RTTN: variants seen among roughly 807,000 people sequenced by gnomAD.
The protein encoded by RTTN is rotatin.
RTTN carries 182 observed loss-of-function variants against 269.2 expected under a neutral mutation model. The ratio of observed to expected loss-of-function variants is 0.68; its 90% confidence interval spans 0.60 to 0.76. The LOEUF is 0.76. RTTN is among the 30% of genes least tolerant of loss of function. The pLI is 0.00. For synonymous variants in RTTN, 1,006 were observed against 963.5 expected, an observed-to-expected ratio of 1.04 and a Z score of -0.82; for missense variants, 2,545 against 2,608.6, an observed-to-expected ratio of 0.98 and a Z score of 0.53.
At chr18:70,058,685 A>G (rs2057890063) in intron 36 of RTTN, among the ~76,000 whole-genome samples, 1 of 152,210 alleles carries the variant, frequency 6.6e-6, no homozygotes. Context: ...ACTCGTAAGA[A>G]GCAAAGAAGA....
chr18:70,181,814 CAAGTAA>C (rs1297255482), intron 10 of RTTN, among the ~76,000 whole-genome samples: 10 of 152,038 alleles, frequency 6.6e-5, no homozygotes, highest in South Asian at 4.2e-4. Context: ...TCTTTTTAAA[CAAGTAA>C]AAGTAAATCA....
chr18:70,127,623 C>T lies in RTTN; in HGVS notation c.3262G>A (p.Val1088Ile). ...CTCATCCTGGTGACAGCAGCCCTAA[C>T]TTCCCTGTGGGTTGCAGCCTGAACA... The part of the protein sequence containing the change: ...SIVQAATHRE[V>I]RAAVTRMSFY... Residue 1088 changes from valine (V) to isoleucine (I), a missense_variant, in exon 25 of 49, where the codon GTT becomes ATT. Transcript: ENST00000640769. 1.2e-6 allele frequency: 2 copies of T among 1,613,576 alleles called. No individual in the cohort carries two copies. Among genetic ancestry groups the T allele is most frequent in the Non-Finnish European group, 1.7e-6 (2 of 1,179,762 alleles).
rs754870506 is a variant in RTTN at position 70,190,643 on chromosome 18, G to C, written c.1084C>G (p.Pro362Ala). 1 of 1,613,466 alleles carries C rather than the reference G, an allele frequency of 6.2e-7. No homozygotes were observed. Among genetic ancestry groups the C allele is most frequent in the Admixed American group, 1.7e-5 (1 of 60,020 alleles). The change falls in exon 9 of 49, where the codon CCA becomes GCA. Residue 362 changes from proline to alanine, a missense_variant. Transcript: ENST00000640769. ...AATGTGTCTTCAGTTTCCAGCTCTG[G>C]CAGATCTATGTGTCCCATATCCAAA... ...SPLDMGHIDL[P>A]ELETEDTLEL...
Position 70,099,556 on chromosome 18 carries a change from T to C in RTTN, c.3904-6752A>G, listed in dbSNP as rs549213809. ...GCCTGTTCACTCTGATGGTAGTTTC[T>C]TTTGCTATGCAGAAGCTCTTTAGTT... On this transcript the variant is annotated intron_variant, in intron 28 of 48. Transcript: ENST00000640769. Among the ~76,000 whole-genome samples, 18 of 152,356 alleles carry C rather than the reference T, an allele frequency of 1.2e-4. No individual in the cohort carries two copies. In the South Asian group the frequency reaches 3.3e-3, roughly 28 times the overall value.
rs754787565 is a variant in RTTN at position 70,054,234 on chromosome 18, T to G, written c.5082A>C (p.Ser1694=). The G allele has an allele frequency of 3.7e-6, 6 of 1,613,972 alleles. No individual in the cohort carries two copies. In the Admixed American group the frequency reaches 1.0e-4, roughly 27 times the overall value. ...CAAGGTCAGGCTCCACCAATAAACA[T>G]GACTGCAGAAGCCTGGACAAAGAGG... ...YLSSLSRLLQ[S]CLLVEPDLVI... Residue 1694 remains serine, a synonymous_variant, in exon 38 of 49, where the codon TCA becomes TCC. Transcript: ENST00000640769.
chr18:70,065,803 G>T (rs1293546867), intron 35 of RTTN, 26 bp downstream of exon 35: 1 of 1,474,846 alleles, frequency 6.8e-7, no homozygotes, highest in Non-Finnish European at 9.2e-7. Context: ...CTTTTTGAAG[G>T]TAGAATGTCT....
chr18:70,077,464 T>C (rs1373251378), intron 32 of RTTN, among the ~76,000 whole-genome samples: 2 of 151,986 alleles, frequency 1.3e-5, no homozygotes, highest in East Asian at 1.9e-4. Flanking sequence ...CCATACCAAC[T>C]GTTAGGAAGA....
Position 70,114,474 on chromosome 18 carries a change from C to G in RTTN, c.3654G>C (p.Leu1218Phe). ...QKELIALFDT[L>F]LLNFMEVTDR... Reference sequence around the variant, plus strand: ...CAGTAACTTCCATGAAATTGAGCAGCAAGGTATCAAAAAGAGCAATCAGTT... The same window carrying G: ...CAGTAACTTCCATGAAATTGAGCAGGAAGGTATCAAAAAGAGCAATCAGTT... The change falls in exon 27 of 49, where the codon TTG (leucine) becomes TTC (phenylalanine). Residue 1218 changes from leucine to phenylalanine, a missense_variant. Transcript: ENST00000640769. The G allele has an allele frequency of 6.2e-7, 1 of 1,613,078 alleles. No individual in the cohort carries two copies. The highest frequency in any genetic ancestry group is 8.5e-7 in the Non-Finnish European group (1 of 1,179,384).
At chr18:70,019,362 C>T (rs1055844457) in intron 45 of RTTN, 2 of 152,190 alleles carry the variant, frequency 1.3e-5, no homozygotes, top group Non-Finnish European at 1.5e-5. Context: ...GCACTGCCCC[C>T]GCTCTGCTCT....
chr18:70,137,161 T>C (rs1406479007), intron 21 of RTTN, among the ~76,000 whole-genome samples: 2 of 152,186 alleles, frequency 1.3e-5, no homozygotes, highest in Non-Finnish European at 2.9e-5. Context: ...ATTTTTACAA[T>C]GGGGATGTAT....
intron 23 of RTTN, chr18:70,130,322 G>A (rs925414205): frequency 1.3e-5 from 2 of 151,964 alleles, no homozygotes; most frequent in Non-Finnish European, 2.9e-5. Context: ...AGAGATATAT[G>A]CACTCCCATG....
chr18:70,018,017 T>C (rs2056593534), intron 45 of RTTN, among the ~76,000 whole-genome samples: 2 of 152,224 alleles, frequency 1.3e-5, no homozygotes, highest in African/African-American at 4.8e-5. Flanking sequence ...GATTTTGCTA[T>C]TAAAAGCTAC....
At chr18:70,098,404 CA>C (rs1231370494) in intron 28 of RTTN, among the ~76,000 whole-genome samples, 5 of 152,066 alleles carry the variant, frequency 3.3e-5, no homozygotes, top group Non-Finnish European at 7.4e-5. Context: ...TTCGAAAGGT[CA>C]CTAGATCCAG....
chr18:70,125,793 A>G (rs1184297648), intron 25 of RTTN, among the ~76,000 whole-genome samples: 1 of 152,044 alleles, frequency 6.6e-6, no homozygotes, highest in Non-Finnish European at 1.5e-5. Flanking sequence ...GTTCCTTTCT[A>G]TCATTAAACT....
intron 14 of RTTN, among the ~76,000 whole-genome samples, chr18:70,162,221 C>G (rs1200252155): frequency 6.6e-6 from 1 of 152,128 alleles, no homozygotes; most frequent in Non-Finnish European, 1.5e-5. Context: ...AACATGGATG[C>G]AACCAGAGGC....
chr18:70,052,699 TA>T (rs1010773603), intron 38 of RTTN, among the ~76,000 whole-genome samples: 1 of 19,826 alleles, frequency 5.0e-5, no homozygotes, highest in African/African-American at 5.3e-5. Flanking sequence ...GCAATTCATA[TA>T]AAAACAACAG....
At chr18:70,163,069 T>TTAAAAAAAAA (rs766183356) in intron 14 of RTTN, among the ~76,000 whole-genome samples, 1 of 56,984 alleles carries the variant, frequency 1.8e-5, no homozygotes, top group Admixed American at 3.3e-4. Context: ...TTACTATTAT[T>TTAAAAAAAAA]AAAAAAAAAA....
chr18:70,073,875 A>T, intron 34 of RTTN, 31 bp downstream of exon 34: 1 of 1,526,104 alleles, frequency 6.6e-7, no homozygotes, highest in Non-Finnish European at 9.1e-7. Context: ...AGAGATTCAA[A>T]ATAAAGGACT....
chr18:70,051,288 T>C, intron 39 of RTTN, 123 bp downstream of exon 39: 1 of 1,163,766 alleles, frequency 8.6e-7, no homozygotes, highest in Non-Finnish European at 1.2e-6. Context: ...AGCACCCTGA[T>C]ACCTCTTTTA....
Sources: allele counts gnomAD v4.1 joint callset (sites outside exome capture counted in the v4.1 genomes callset), GRCh38; gene constraint gnomAD v4.1.1; transcripts MANE v1.5; gene names NCBI Gene and HGNC (gene_info 2026-07-23, HGNC 2026-07-21).